Variants in LCORL observed in about 807,000 individuals in gnomAD.
LCORL encodes ligand-dependent nuclear receptor corepressor-like protein.
In LCORL, 41 loss-of-function variants were observed where a neutral mutation model predicts 141.8. That is an observed-to-expected ratio of 0.29 (90% confidence interval 0.23 to 0.38). LCORL has a LOEUF of 0.38. LCORL is among the 10% of genes least tolerant of loss of function. LCORL has a pLI of 1.00. For missense variants in LCORL, 1,759 were observed against 2,035.0 expected (o/e 0.86, Z 2.61); for synonymous variants, 618 against 694.1 (o/e 0.89, Z 1.72).
intron 4 of LCORL, among the ~76,000 whole-genome samples, chr4:17,950,038 C>T (rs1449222083): frequency 6.6e-6 from 1 of 152,026 alleles, no homozygotes; most frequent in East Asian, 1.9e-4. Context: ...TAGACAAGAA[C>T]AGCATTAGAA....
At chr4:17,860,666 C>T (rs1374959123) in intron 7 of LCORL, among the ~76,000 whole-genome samples, 1 of 152,180 alleles carries the variant, frequency 6.6e-6, no homozygotes, top group Non-Finnish European at 1.5e-5. Context: ...TTCAAAAGTC[C>T]ACAGTCCAAA....
chr4:17,954,101 T>C (rs935685849), intron 4 of LCORL, among the ~76,000 whole-genome samples: 2 of 152,104 alleles, frequency 1.3e-5, no homozygotes, highest in African/African-American at 4.8e-5. Flanking sequence ...AGGTGGAGCT[T>C]GCAGTGAGCC....
chr4:17,896,749 T>C (rs550494059), intron 5 of LCORL, among the ~76,000 whole-genome samples: 2 of 152,308 alleles, frequency 1.3e-5, no homozygotes, highest in Non-Finnish European at 1.5e-5. Flanking sequence ...TACTCAGTTA[T>C]TTTAAAATGT....
chr4:17,865,968 A>G (rs1429937718), intron 7 of LCORL, among the ~76,000 whole-genome samples: 1 of 152,174 alleles, frequency 6.6e-6, no homozygotes, highest in African/African-American at 2.4e-5. Context: ...TCCACTTCCA[A>G]TTTAAATCTC....
chr4:18,008,936 TGA>T (rs1328928035), intron 1 of LCORL, among the ~76,000 whole-genome samples: 4 of 152,152 alleles, frequency 2.6e-5, no homozygotes, highest in African/African-American at 9.7e-5. Context: ...CCCAACCATT[TGA>T]GAGTAAATGT....
At chr4:17,995,434 G>T (rs1162044356) in intron 1 of LCORL, among the ~76,000 whole-genome samples, 1 of 151,974 alleles carries the variant, frequency 6.6e-6, no homozygotes, top group African/African-American at 2.4e-5. Flanking sequence ...CAATAAAAGA[G>T]AATTCACCGG....
intron 7 of LCORL, chr4:17,866,879 G>A (rs1294845523): frequency 2.2e-6 from 1 of 444,554 alleles, no homozygotes; most frequent in Admixed American, 6.4e-5. Flanking sequence ...GAAAAAAGGA[G>A]AAAGAGAACA....
chr4:17,953,901 C>T (rs1577531206), intron 4 of LCORL, among the ~76,000 whole-genome samples: 1 of 152,174 alleles, frequency 6.6e-6, no homozygotes, highest in African/African-American at 2.4e-5. Flanking sequence ...CGGTGGCTCA[C>T]GCCTGTAATC....
intron 5 of LCORL, among the ~76,000 whole-genome samples, chr4:17,898,579 G>A (rs944233348): frequency 6.8e-6 from 1 of 147,762 alleles, no homozygotes; most frequent in Non-Finnish European, 1.5e-5. Context: ...TGTAATATAT[G>A]TATTTCTGCA....
chr4:17,869,604 A>C (rs1455553823), intron 7 of LCORL, among the ~76,000 whole-genome samples: 1 of 152,008 alleles, frequency 6.6e-6, no homozygotes, highest in East Asian at 1.9e-4. Context: ...CTTTTTCCTA[A>C]ATCTTTGAGG....
intron 7 of LCORL, among the ~76,000 whole-genome samples, chr4:17,854,128 A>G (rs920008636): frequency 6.6e-6 from 1 of 152,140 alleles, no homozygotes; most frequent in African/African-American, 2.4e-5. Context: ...AAGCTGGGGC[A>G]GAAGGAAGAT....
rs113851147 is a variant in LCORL, at chr4:17,899,284, A to T, written c.682+9810T>A. 7.0e-3 allele frequency among the ~76,000 whole-genome samples: 1,063 copies of T among 152,246 alleles called. 10 individuals are homozygous for T. The highest frequency in any genetic ancestry group is 0.012 in the Non-Finnish European group (784 of 68,004). ...ATGAAGAAGTTTCTTTTGTTTATAC[A>T]TTGAAATTTGGAATTTATCATTTTC... On this transcript the variant is annotated intron_variant, in intron 5 of 7. Coordinates refer to ENST00000635767, the Ensembl canonical transcript of LCORL.
At chr4:17,845,622 T>A in exon 8 of LCORL, 1 of 758,040 alleles carries the variant, frequency 1.3e-6, no homozygotes, top group South Asian at 2.7e-5. Context: ...TAAAGACAAA[T>A]CACAGGACTA....
chr4:17,982,107 T>C (rs1366361242), intron 1 of LCORL, among the ~76,000 whole-genome samples: 2 of 122,986 alleles, frequency 1.6e-5, no homozygotes, highest in African/African-American at 7.3e-5. Flanking sequence ...ATCGTGTGTG[T>C]GTGTGTGTGT....
At chr4:17,877,738 A>C in exon 7 of LCORL, 1 of 1,230,658 alleles carries the variant, frequency 8.1e-7, no homozygotes, top group South Asian at 4.1e-5. Flanking sequence ...TCCTTTGACA[A>C]AAGAGGACTA....
chr4:17,879,594 A>G lies in LCORL; in HGVS notation c.777-1381T>C, dbSNP rs116040281. 2.9e-3 allele frequency among the ~76,000 whole-genome samples: 436 copies of G among 151,144 alleles called. 2 individuals carry two copies. Among genetic ancestry groups the G allele is most frequent in the African/African-American group, 8.7e-3 (359 of 41,438 alleles). On this transcript the variant is annotated intron_variant, in intron 6 of 7. Coordinates refer to ENST00000635767, the Ensembl canonical transcript of LCORL. Reference sequence around the variant, plus strand: ...AAACTTTGTCATGGTTGGGAGTGTAAAATGATGCAACTGACTCCCAGGATT... The same window carrying G: ...AAACTTTGTCATGGTTGGGAGTGTAGAATGATGCAACTGACTCCCAGGATT...
intron 5 of LCORL, among the ~76,000 whole-genome samples, chr4:17,895,001 ATTTATC>A (rs1273794818): frequency 6.7e-6 from 1 of 149,750 alleles, no homozygotes; most frequent in African/African-American, 2.4e-5. Flanking sequence ...TTCCTCTGAT[ATTTATC>A]TTTATATATA....
At chr4:17,997,697 C>T (rs1353191747) in intron 1 of LCORL, among the ~76,000 whole-genome samples, 1 of 151,880 alleles carries the variant, frequency 6.6e-6, no homozygotes, top group Non-Finnish European at 1.5e-5. Context: ...CATAAAACAT[C>T]TGAGATCAGC....
chr4:17,934,884 T>G (rs2109439703), intron 4 of LCORL, among the ~76,000 whole-genome samples: 1 of 152,264 alleles, frequency 6.6e-6, no homozygotes, highest in South Asian at 2.1e-4. Flanking sequence ...AAAATATATT[T>G]TATCCTCAGG....
Sources: allele counts gnomAD v4.1 joint callset (sites outside exome capture counted in the v4.1 genomes callset), GRCh38; gene constraint gnomAD v4.1.1; transcripts MANE v1.5; gene names NCBI Gene and HGNC (gene_info 2026-07-23, HGNC 2026-07-21).